Variants in PDE8B observed in about 807,000 individuals in gnomAD.
PDE8B encodes the protein phosphodiesterase 8B.
A neutral mutation model predicts 101.3 loss-of-function variants in PDE8B; 26 were observed. The observed-to-expected ratio is 0.26, with a 90% CI of 0.19 to 0.36. The LOEUF (loss-of-function observed/expected upper bound fraction) is 0.36. Among genes scored for constraint, PDE8B ranks in the 10% least tolerant of loss-of-function variants. PDE8B has a pLI of 1.00. For missense variants in PDE8B, 810 were observed against 1,163.1 expected (o/e 0.70, Z 4.42); for synonymous variants, 424 against 429.3 (o/e 0.99, Z 0.15).
At chr5:77,303,785 G>A (rs1770529938) in intron 1 of PDE8B, among the ~76,000 whole-genome samples, 1 of 152,060 alleles carries the variant, frequency 6.6e-6, no homozygotes, top group Admixed American at 6.6e-5. Flanking sequence ...GTATCCTAAG[G>A]TATGCATCAT....
the PDE8B span, among the ~76,000 whole-genome samples, chr5:77,149,492 A>G: frequency 1.8e-4 from 27 of 152,162 alleles, no homozygotes; most frequent in African/African-American, 5.5e-4. Context: ...CTTCCAATCC[A>G]TGGACAGGGA....
chr5:77,111,243 G>GAC, the PDE8B span, among the ~76,000 whole-genome samples: 33 of 152,152 alleles, frequency 2.2e-4, no homozygotes, highest in Non-Finnish European at 4.3e-4. Context: ...GGAAGATGGG[G>GAC]CTCATTCACA....
intron 10 of PDE8B, among the ~76,000 whole-genome samples, chr5:77,359,107 G>A (rs1782644920): frequency 6.6e-6 from 1 of 152,146 alleles, no homozygotes; most frequent in Non-Finnish European, 1.5e-5. Context: ...AGGCTCTGAG[G>A]GCACAAGATA....
chr5:77,271,242 C>CTT (rs1401056030), intron 1 of PDE8B, among the ~76,000 whole-genome samples: 66 of 152,346 alleles, frequency 4.3e-4, no homozygotes, highest in African/African-American at 1.6e-3. Context: ...TCTTACTTGT[C>CTT]CTTTAAAACC....
chr5:77,321,247 G>A (rs778930683), intron 2 of PDE8B, among the ~76,000 whole-genome samples: 4 of 143,088 alleles, frequency 2.8e-5, no homozygotes, highest in Non-Finnish European at 6.3e-5. Context: ...TGCCTCTCGG[G>A]TTCAAGCAAT....
chr5:77,264,304 A>G (rs1761232800), intron 1 of PDE8B, among the ~76,000 whole-genome samples: 1 of 152,268 alleles, frequency 6.6e-6, no homozygotes, highest in African/African-American at 2.4e-5. Flanking sequence ...TTGCTGGGTC[A>G]TATGGTAACT....
intron 1 of PDE8B, among the ~76,000 whole-genome samples, chr5:77,310,452 C>T (rs940786353): frequency 3.3e-5 from 5 of 152,246 alleles, no homozygotes; most frequent in Non-Finnish European, 5.9e-5. Flanking sequence ...TCAGCACCCA[C>T]ACCTTGCAGG....
At chr5:77,223,341 G>A (rs547393809) in intron 1 of PDE8B, among the ~76,000 whole-genome samples, 6 of 148,380 alleles carry the variant, frequency 4.0e-5, no homozygotes, top group African/African-American at 7.4e-5. Flanking sequence ...CCATTAACTC[G>A]TCATTTAGCA....
intron 10 of PDE8B, among the ~76,000 whole-genome samples, chr5:77,380,741 A>G (rs773114731): frequency 3.9e-5 from 6 of 152,196 alleles, no homozygotes; most frequent in Non-Finnish European, 8.8e-5. Context: ...GAACTTATAG[A>G]TAGACATTAT....
At chr5:77,288,436 A>C (rs1378099643) in intron 1 of PDE8B, among the ~76,000 whole-genome samples, 1 of 152,206 alleles carries the variant, frequency 6.6e-6, no homozygotes, top group African/African-American at 2.4e-5. Context: ...ACTGGTATCT[A>C]TCTGATACTT....
At chr5:77,373,859 G>A (rs115323929) in intron 10 of PDE8B, among the ~76,000 whole-genome samples, 528 of 151,580 alleles carry the variant, frequency 3.5e-3, no homozygotes, top group Non-Finnish European at 6.0e-3. Flanking sequence ...CTATTTTTTC[G>A]TTTTTTTGAG....
intron 1 of PDE8B, among the ~76,000 whole-genome samples, chr5:77,308,237 G>A (rs1028763191): frequency 1.1e-4 from 17 of 152,148 alleles, no homozygotes; most frequent in Admixed American, 1.1e-3. Context: ...AGAAGCCAAG[G>A]CCAGATGACT....
intron 10 of PDE8B, among the ~76,000 whole-genome samples, chr5:77,367,161 A>G (rs1784294148): frequency 8.2e-6 from 1 of 122,352 alleles, no homozygotes; most frequent in Admixed American, 7.6e-5. Context: ...CAAAACACAC[A>G]CACACACACA....
chr5:77,265,211 C>T (rs1450901231), intron 1 of PDE8B, among the ~76,000 whole-genome samples: 2 of 152,102 alleles, frequency 1.3e-5, no homozygotes, highest in African/African-American at 4.8e-5. Flanking sequence ...TATCAGCTAA[C>T]CCAGAAACCA....
At chr5:77,290,211 G>A in intron 1 of PDE8B, 1 of 1,540,382 alleles carries the variant, frequency 6.5e-7, no homozygotes, top group Non-Finnish European at 8.8e-7. Context: ...CGCACTGTGT[G>A]TGCACGCTGC....
chr5:77,427,569 T>G lies in PDE8B; in HGVS notation c.*1015T>G, dbSNP rs369093610. On this transcript the variant is annotated 3_prime_UTR_variant, in exon 22 of 22. Transcript: ENST00000264917. ...TCAGATATTTTTAACCAGTCTATAT[T>G]TGAAATCATGCCATTAGCTTTAACA... The G allele has an allele frequency of 4.6e-5, 7 of 152,288 alleles. No individual in the cohort carries two copies. In the East Asian group the frequency reaches 1.3e-3, roughly 29 times the overall value. The allele number at this position is 152,288 out of a possible 1,614,324, so 9.4% of individuals were successfully genotyped here. A position where few individuals can be genotyped will look rare whatever the true frequency, so the allele number is the denominator to read the frequency against.
Position 77,406,277 on chromosome 5 carries a change from CAAAATA to C in PDE8B, c.1289-1087_1289-1082del, listed in dbSNP as rs1016421760. ...GGGCAACAAGAGCGAAACTCCATCT[CAAAATA>C]AAAATAAAAATAAAAAAAATTTAAA... On this transcript the variant is annotated intron_variant, in intron 12 of 21. Coordinates refer to ENST00000264917, the MANE Select transcript of PDE8B (RefSeq NM_003719.5). Among the ~76,000 whole-genome samples, 6 of 151,536 alleles carry C rather than the reference CAAAATA, an allele frequency of 4.0e-5. 1 individual carries two copies. Among genetic ancestry groups the C allele is most frequent in the Admixed American group, 1.3e-4 (2 of 15,222 alleles).
At position 77,410,134 on chromosome 5, in the gene PDE8B, A is replaced by G. The variant is rs148352991; in HGVS notation, c.1530+1077A>G. Among the ~76,000 whole-genome samples, 94 of 152,390 alleles carry G rather than the reference A, an allele frequency of 6.2e-4. 2 individuals are homozygous for G. In the Middle Eastern group the frequency reaches 0.01, roughly 17 times the overall value. On this transcript the variant is annotated intron_variant, in intron 14 of 21. Transcript: ENST00000264917. Reference sequence around the variant, plus strand: ...GAGGGTTCTTGGCCTCGCCCAGGAAATAATTCAAGGGCAAGCTGGTGGTGT... The same window carrying G: ...GAGGGTTCTTGGCCTCGCCCAGGAAGTAATTCAAGGGCAAGCTGGTGGTGT...
chr5:77,094,888 TA>T, the PDE8B span, among the ~76,000 whole-genome samples: 2 of 152,198 alleles, frequency 1.3e-5, no homozygotes, highest in Non-Finnish European at 2.9e-5. Context: ...GGCTTTAATC[TA>T]TTTTTGAGGG....
Sources: gnomAD v4.1 joint callset for allele counts (sites outside exome capture counted in the v4.1 genomes callset) on GRCh38, gnomAD v4.1.1 for gene constraint, MANE v1.5 for transcripts, NCBI Gene and HGNC (gene_info 2026-07-23, HGNC 2026-07-21) for gene names.